The following ZFHX3 variants were observed in gnomAD, a reference collection of about 807,000 sequenced individuals.
The protein encoded by ZFHX3 is zinc finger homeobox protein 3.
In ZFHX3, 42 loss-of-function variants were observed where a neutral mutation model predicts 279.1. The ratio of observed to expected loss-of-function variants is 0.15; its 90% CI spans 0.12 to 0.19. The LOEUF is 0.19. Among genes scored for constraint, ZFHX3 ranks in the 10% least tolerant of loss-of-function variants. The probability of loss-of-function intolerance (pLI) is 1.00; values close to 1 mark genes in which losing one functional copy is unlikely to be tolerated. For synonymous variants in ZFHX3, 2,293 were observed against 1,957.8 expected, an observed-to-expected ratio of 1.17 and a Z score of -4.52; for missense variants, 4,981 against 4,754.0, an observed-to-expected ratio of 1.05 and a Z score of -1.40.
chr16:73,177,455 G>C (rs1967690387), intron 5 of ZFHX3, among the ~76,000 whole-genome samples: 2 of 152,196 alleles, frequency 1.3e-5, no homozygotes, highest in South Asian at 4.1e-4. Flanking sequence ...TACATTTAGA[G>C]ATTACTTTTC....
At chr16:72,914,509 C>G (rs935879107) in intron 3 of ZFHX3, among the ~76,000 whole-genome samples, 3 of 152,148 alleles carry the variant, frequency 2.0e-5, no homozygotes, top group African/African-American at 7.2e-5. Context: ...AGCAGGCAGA[C>G]TTGGGGGAGA....
chr16:72,845,933 A>G (rs2037468213), intron 4 of ZFHX3, among the ~76,000 whole-genome samples: 1 of 152,208 alleles, frequency 6.6e-6, no homozygotes, highest in Non-Finnish European at 1.5e-5. Context: ...GCCAAGGACC[A>G]TATGCTTAAT....
chr16:72,888,138 A>G (rs2038677040), intron 4 of ZFHX3, among the ~76,000 whole-genome samples: 1 of 152,218 alleles, frequency 6.6e-6, no homozygotes, highest in African/African-American at 2.4e-5. Flanking sequence ...GATCCCCTGG[A>G]AAAGGGGGTG....
chr16:72,854,992 A>G (rs1172667754), intron 4 of ZFHX3, among the ~76,000 whole-genome samples: 3 of 151,676 alleles, frequency 2.0e-5, no homozygotes, highest in Non-Finnish European at 4.4e-5. Flanking sequence ...ACAAACTCCT[A>G]TCAGTCCATC....
chr16:73,637,097 TA>T (rs2052533668), intron 2 of ZFHX3, among the ~76,000 whole-genome samples: 1 of 152,024 alleles, frequency 6.6e-6, no homozygotes, highest in Non-Finnish European at 1.5e-5. Context: ...TATACTTGAA[TA>T]TATATAAGAA....
chr16:73,604,424 C>T (rs969567935), intron 2 of ZFHX3, among the ~76,000 whole-genome samples: 16 of 152,094 alleles, frequency 1.1e-4, no homozygotes, highest in African/African-American at 3.6e-4. Context: ...TCATCAGATA[C>T]GCCTTAGCTT....
chr16:73,101,564 A>T (rs113172643), intron 7 of ZFHX3, among the ~76,000 whole-genome samples: 32 of 149,322 alleles, frequency 2.1e-4, no homozygotes, highest in Middle Eastern at 6.8e-3. Context: ...ATTTTTTTAA[A>T]TTTTTTTTTT....
intron 1 of ZFHX3, among the ~76,000 whole-genome samples, chr16:73,781,928 A>G (rs1959487051): frequency 1.3e-5 from 2 of 152,198 alleles, no homozygotes; most frequent in Non-Finnish European, 2.9e-5. Flanking sequence ...TGGAGGTTGC[A>G]GTGAGCTGAG....
intron 4 of ZFHX3, among the ~76,000 whole-genome samples, chr16:72,878,416 G>A (rs1385795240): frequency 6.6e-6 from 1 of 152,138 alleles, no homozygotes; most frequent in Non-Finnish European, 1.5e-5. Flanking sequence ...ATCAGATCAG[G>A]GCTGCCCTCC....
At chr16:73,872,303 G>A (rs994548907) in intron 1 of ZFHX3, among the ~76,000 whole-genome samples, 10 of 151,840 alleles carry the variant, frequency 6.6e-5, no homozygotes, top group Admixed American at 4.6e-4. Context: ...GCACAGTGGC[G>A]TGATCTTGGC....
At chr16:72,892,954 G>C (rs1019967975) in intron 3 of ZFHX3, among the ~76,000 whole-genome samples, 3 of 152,162 alleles carry the variant, frequency 2.0e-5, no homozygotes, top group African/African-American at 7.2e-5. Flanking sequence ...GAAGTGAAGG[G>C]AGAAGATGAG....
intron 4 of ZFHX3, among the ~76,000 whole-genome samples, chr16:72,859,975 T>C (rs2037843549): frequency 6.6e-6 from 1 of 152,172 alleles, no homozygotes; most frequent in South Asian, 2.1e-4. Flanking sequence ...AAGAGAAGCT[T>C]GTAAGGACAC....
intron 5 of ZFHX3, among the ~76,000 whole-genome samples, chr16:73,164,893 C>A (rs1967323410): frequency 6.6e-6 from 1 of 152,108 alleles, no homozygotes; most frequent in Non-Finnish European, 1.5e-5. Context: ...AAGGAGTTCA[C>A]CCACTTGAGG....
In ZFHX3 at chr16:73,425,671, T is replaced by C. The variant is rs80169334; in HGVS notation, c.-1291+30332A>G. Among the ~76,000 whole-genome samples the C allele has an allele frequency of 3.5e-3, 527 of 152,140 alleles. 3 individuals are homozygous for C. The highest frequency in any genetic ancestry group is 0.012 in the African/African-American group (507 of 41,506). On this transcript the variant is annotated intron_variant, in intron 3 of 17. Transcript: ENST00000641206. The stretch of plus-strand genomic sequence containing the variant: ...CGAGCTGATGGACCCCTCTCGTGTG[T>C]GATGGAACAAAAGAAGCTCTAGGGG...
intron 2 of ZFHX3, among the ~76,000 whole-genome samples, chr16:73,459,533 TG>T (rs762171084): frequency 2.0e-5 from 3 of 152,128 alleles, no homozygotes; most frequent in Non-Finnish European, 4.4e-5. Flanking sequence ...AGCTCATTTT[TG>T]TAAATTTTTT....
At chr16:73,858,375 A>C (rs910690825) in intron 1 of ZFHX3, among the ~76,000 whole-genome samples, 1 of 152,206 alleles carries the variant, frequency 6.6e-6, no homozygotes, top group African/African-American at 2.4e-5. Context: ...ATCTTGATAC[A>C]GTCTTAGATG....
intron 2 of ZFHX3, chr16:73,500,206 A>T (rs747806825): frequency 6.6e-6 from 1 of 152,274 alleles, no homozygotes; most frequent in Non-Finnish European, 1.5e-5. Flanking sequence ...GCCCCTGAAG[A>T]CCTTCCAGTG....
At chr16:73,289,954 C>A (rs1045886092) in intron 4 of ZFHX3, among the ~76,000 whole-genome samples, 9 of 151,508 alleles carry the variant, frequency 5.9e-5, no homozygotes, top group African/African-American at 2.2e-4. Context: ...GGTTTCTGAG[C>A]CTCAATTCCA....
intron 8 of ZFHX3, among the ~76,000 whole-genome samples, chr16:72,799,291 A>G (rs1296070281): frequency 6.6e-6 from 1 of 152,232 alleles, no homozygotes; most frequent in Admixed American, 6.5e-5. Context: ...TCAATAAGCA[A>G]TTAACATTCA....
Sources: gnomAD v4.1 joint callset for allele counts (sites outside exome capture counted in the v4.1 genomes callset) on GRCh38, gnomAD v4.1.1 for gene constraint, MANE v1.5 for transcripts, NCBI Gene and HGNC (gene_info 2026-07-23, HGNC 2026-07-21) for gene names.